The following KCNH1 variants were observed in gnomAD, a reference collection of about 807,000 sequenced individuals.
The protein encoded by KCNH1 is voltage-gated delayed rectifier potassium channel KCNH1.
A neutral mutation model predicts 69.2 loss-of-function variants in KCNH1; 27 were observed. That is an observed-to-expected ratio of 0.39 (90% CI 0.29 to 0.54). The LOEUF is 0.54. Among genes scored for constraint, KCNH1 ranks in the 20% least tolerant of loss-of-function variants. The pLI, the probability that KCNH1 is intolerant of heterozygous loss-of-function variation, is 0.68. For synonymous variants in KCNH1, 456 were observed against 487.7 expected, an observed-to-expected ratio of 0.93 and a Z score of 0.86; for missense variants, 798 against 1,261.6, an observed-to-expected ratio of 0.63 and a Z score of 5.57.
intron 5 of KCNH1, among the ~76,000 whole-genome samples, chr1:211,078,917 CAA>C (rs769981174): frequency 4.9e-4 from 41 of 83,024 alleles, no homozygotes; most frequent in East Asian, 1.2e-3. Flanking sequence ...GACTCCGTCT[CAA>C]AAAAAAAAAA....
chr1:210,735,961 T>C lies in KCNH1; in HGVS notation c.2112+39387A>G, dbSNP rs568158897. Among the ~76,000 whole-genome samples the C allele has an allele frequency of 2.6e-5, 4 of 152,344 alleles. No individual in the cohort carries two copies. In the South Asian group the frequency reaches 6.2e-4, roughly 24 times the overall value. On this transcript the variant is annotated intron_variant, in intron 10 of 10. Coordinates refer to ENST00000271751, the MANE Select transcript of KCNH1 (RefSeq NM_172362.3). ...TTATATTTTTTCATTATAGTGATTT[T>C]AATTATCTTATCCATTTTGCTTTCT...
At chr1:210,824,395 A>G (rs1190964465) in intron 7 of KCNH1, among the ~76,000 whole-genome samples, 1 of 152,114 alleles carries the variant, frequency 6.6e-6, no homozygotes, top group African/African-American at 2.4e-5. Context: ...AATTTTTAGA[A>G]TATGTGTTTA....
intron 5 of KCNH1, among the ~76,000 whole-genome samples, chr1:211,074,614 A>G (rs1265265651): frequency 1.3e-5 from 2 of 152,236 alleles, no homozygotes; most frequent in Non-Finnish European, 2.9e-5. Context: ...TCTATGTATC[A>G]ACTTGGCTAT....
chr1:211,122,976 A>C (rs1004574902), intron 1 of KCNH1, among the ~76,000 whole-genome samples: 1 of 152,182 alleles, frequency 6.6e-6, no homozygotes, highest in African/African-American at 2.4e-5. Flanking sequence ...CAGAAACATT[A>C]AAAACAAAAA....
intron 6 of KCNH1, among the ~76,000 whole-genome samples, chr1:210,967,988 G>T (rs1688440282): frequency 6.6e-6 from 1 of 151,916 alleles, no homozygotes; most frequent in African/African-American, 2.4e-5. Context: ...TCTAGCATTA[G>T]ATATATCTCC....
chr1:211,086,461 G>C (rs554353647), intron 4 of KCNH1, among the ~76,000 whole-genome samples: 13 of 152,126 alleles, frequency 8.5e-5, no homozygotes, highest in Non-Finnish European at 1.8e-4. Flanking sequence ...ACAGGGCTGC[G>C]GATGCCATGA....
At chr1:210,805,224 A>C (rs1173337981) in intron 7 of KCNH1, among the ~76,000 whole-genome samples, 1 of 152,206 alleles carries the variant, frequency 6.6e-6, no homozygotes, top group Non-Finnish European at 1.5e-5. Context: ...TTGTATCCCT[A>C]GGATCTAACA....
At chr1:210,709,655 G>A (rs1682003344) in intron 10 of KCNH1, among the ~76,000 whole-genome samples, 1 of 151,834 alleles carries the variant, frequency 6.6e-6, no homozygotes, top group Non-Finnish European at 1.5e-5. Context: ...TGGGTGGGTG[G>A]ATTGACAGAT....
chr1:211,113,582 G>A (rs73075415), intron 1 of KCNH1, among the ~76,000 whole-genome samples: 152 of 152,230 alleles, frequency 1.0e-3, no homozygotes, highest in African/African-American at 3.5e-3. Flanking sequence ...GGGAGAAGAG[G>A]GTAAACTTTG....
At chr1:210,778,303 T>C (rs983614353) in intron 9 of KCNH1, among the ~76,000 whole-genome samples, 3 of 152,122 alleles carry the variant, frequency 2.0e-5, no homozygotes, top group African/African-American at 7.2e-5. Flanking sequence ...ATAGCCAGAA[T>C]ACACAGAATC....
At chr1:210,863,739 G>T (rs958776576) in intron 7 of KCNH1, among the ~76,000 whole-genome samples, 1 of 152,168 alleles carries the variant, frequency 6.6e-6, no homozygotes, top group African/African-American at 2.4e-5. Flanking sequence ...TGCCTTGCTG[G>T]TGTTCCCTCA....
chr1:210,869,484 CGTGTGTGTGTGTGTGTGTGTGTGTGT>C (rs61235458), intron 7 of KCNH1, among the ~76,000 whole-genome samples: 1 of 136,930 alleles, frequency 7.3e-6, no homozygotes, highest in Non-Finnish European at 1.5e-5. Flanking sequence ...AGTTATAAGT[CGTGTGTGTGTGTGTGTGTGTGTGTGT>C]GTGTGTGTGT....
At chr1:210,828,778 C>G (rs1025967275) in intron 7 of KCNH1, among the ~76,000 whole-genome samples, 1 of 152,204 alleles carries the variant, frequency 6.6e-6, no homozygotes, top group South Asian at 2.1e-4. Flanking sequence ...TGGGGCTCCA[C>G]TCTTAGGTAG....
intron 10 of KCNH1, among the ~76,000 whole-genome samples, chr1:210,766,005 G>A (rs1190272780): frequency 6.6e-6 from 1 of 152,138 alleles, no homozygotes; most frequent in Non-Finnish European, 1.5e-5. Context: ...GGAGGTTGCA[G>A]GGAGCCGAGA....
Position 211,128,323 on chromosome 1 carries a change from C to T in KCNH1, c.79+5544G>A, listed in dbSNP as rs566360045. 2.7e-5 allele frequency among the ~76,000 whole-genome samples: 4 copies of T among 150,342 alleles called. No homozygotes were observed. In the South Asian group the frequency reaches 6.3e-4, roughly 24 times the overall value. ...AAAGAAAGAGGTAAAGAAAATGAAG[C>T]AGTACATGCAACAACATAGAGGAAT... is the stretch of plus-strand genomic sequence containing the variant. On this transcript the variant is annotated intron_variant, in intron 1 of 10. Transcript: ENST00000271751.
chr1:211,124,347 G>T (rs1026746437), intron 1 of KCNH1, among the ~76,000 whole-genome samples: 2 of 152,150 alleles, frequency 1.3e-5, no homozygotes, highest in Admixed American at 1.3e-4. Context: ...TGACTGAATG[G>T]TCTGCACAAA....
intron 7 of KCNH1, among the ~76,000 whole-genome samples, chr1:210,838,057 A>T (rs1426073482): frequency 6.6e-6 from 1 of 152,182 alleles, no homozygotes; most frequent in African/African-American, 2.4e-5. Flanking sequence ...CAAAAAGGAC[A>T]AAGCTGGAAA....
intron 7 of KCNH1, among the ~76,000 whole-genome samples, chr1:210,909,764 C>T (rs1687188360): frequency 6.6e-6 from 1 of 152,184 alleles, no homozygotes; most frequent in African/African-American, 2.4e-5. Context: ...TCCTTGCTGT[C>T]TAGGTAGTCT....
At chr1:210,832,494 C>G (rs977030951) in intron 7 of KCNH1, among the ~76,000 whole-genome samples, 1 of 152,120 alleles carries the variant, frequency 6.6e-6, no homozygotes, top group Non-Finnish European at 1.5e-5. Flanking sequence ...TCCAGAATAT[C>G]AGTTATTCCT....
Sources: allele counts gnomAD v4.1 joint callset (sites outside exome capture counted in the v4.1 genomes callset), GRCh38; gene constraint gnomAD v4.1.1; transcripts MANE v1.5; gene names NCBI Gene and HGNC (gene_info 2026-07-23, HGNC 2026-07-21).